Variants in NTM observed in about 807,000 individuals in gnomAD.
The protein encoded by NTM is neurotrimin.
NTM carries 13 observed loss-of-function variants against 42.1 expected under a neutral mutation model. That is an observed-to-expected ratio of 0.31 (90% CI 0.20 to 0.49). The LOEUF (loss-of-function observed/expected upper bound fraction) is 0.49. NTM is among the 20% of genes least tolerant of loss of function. The pLI is 0.99. For missense variants in NTM, 373 were observed against 452.8 expected, an observed-to-expected ratio of 0.82 and a Z score of 1.60; for synonymous variants, 187 against 179.2, an observed-to-expected ratio of 1.04 and a Z score of -0.35.
At chr11:131,753,844 T>G (rs1232127876) in intron 1 of NTM, among the ~76,000 whole-genome samples, 8 of 151,378 alleles carry the variant, frequency 5.3e-5, no homozygotes, top group Admixed American at 5.3e-4. Context: ...TATACATATG[T>G]AACTAACCTG....
At chr11:132,315,108 C>T (rs1379321272) in intron 7 of NTM, 10 of 991,568 alleles carry the variant, frequency 1.0e-5, no homozygotes, top group African/African-American at 5.2e-5. Context: ...ATGATGGCTC[C>T]TAAGCTGACT....
At chr11:131,842,647 G>A (rs1476938175) in intron 1 of NTM, among the ~76,000 whole-genome samples, 1 of 152,162 alleles carries the variant, frequency 6.6e-6, no homozygotes, top group Admixed American at 6.6e-5. Flanking sequence ...TACATTAATT[G>A]AGTATATCAA....
chr11:131,844,067 T>A (rs1271190342), intron 1 of NTM, among the ~76,000 whole-genome samples: 1 of 152,184 alleles, frequency 6.6e-6, no homozygotes, highest in Non-Finnish European at 1.5e-5. Flanking sequence ...TTTGTGGATG[T>A]GTGTGTGCGT....
rs137919729 is a variant in NTM, at chr11:131,495,905, T to TGG, written c.82+125018_82+125019dup. Among the ~76,000 whole-genome samples, 1,200 of 152,340 alleles carry TGG rather than the reference T, an allele frequency of 7.9e-3. 14 individuals are homozygous for TGG. The highest frequency in any genetic ancestry group is 0.028 in the African/African-American group (1,152 of 41,574). ...TGGATTTGCTAGCAAAAGAGACTGC[T>TGG]GGAGGGTGAAAGAGGTGTCAGTTTA... is the stretch of plus-strand genomic sequence containing the variant. On this transcript the variant is annotated intron_variant, in intron 1 of 8. Coordinates refer to ENST00000683400, the MANE Select transcript of NTM (RefSeq NM_001352005.2).
intron 1 of NTM, among the ~76,000 whole-genome samples, chr11:131,856,958 TC>T (rs2046167914): frequency 6.6e-6 from 1 of 152,244 alleles, no homozygotes; most frequent in Non-Finnish European, 1.5e-5. Flanking sequence ...CTGTACTTTT[TC>T]CTTTTTTCTC....
intron 3 of NTM, among the ~76,000 whole-genome samples, chr11:132,194,374 G>GTCTCAATAAATGCTGAAAAGGC (rs2079827840): frequency 6.6e-6 from 1 of 151,940 alleles, no homozygotes; most frequent in Non-Finnish European, 1.5e-5. Context: ...TAACATGATC[G>GTCTCAATAAATGCTGAAAAGGC]TCTCAATAAA....
chr11:131,605,037 C>T (rs1719447877), intron 1 of NTM, among the ~76,000 whole-genome samples: 1 of 151,444 alleles, frequency 6.6e-6, no homozygotes, highest in African/African-American at 2.4e-5. Flanking sequence ...ACTATTGTGT[C>T]TATTGTGGGT....
chr11:131,954,723 T>C (rs2061383084), intron 2 of NTM, among the ~76,000 whole-genome samples: 1 of 152,192 alleles, frequency 6.6e-6, no homozygotes, highest in Non-Finnish European at 1.5e-5. Context: ...CCACCTGTAA[T>C]TCCCCATCCA....
intron 4 of NTM, among the ~76,000 whole-genome samples, chr11:132,298,646 A>G (rs1391727247): frequency 2.6e-5 from 4 of 152,304 alleles, no homozygotes; most frequent in African/African-American, 9.6e-5. Context: ...ACTTTCTTAT[A>G]ATTACACTTT....
intron 4 of NTM, among the ~76,000 whole-genome samples, chr11:132,278,743 T>TTCTCTCTCTCTCTCTCTC (rs66748602): frequency 3.7e-4 from 51 of 138,074 alleles, no homozygotes; most frequent in East Asian, 3.6e-3. Flanking sequence ...TCATTTGGGC[T>TTCTCTCTCTCTCTCTCTC]TCTCTCTCTC....
intron 2 of NTM, among the ~76,000 whole-genome samples, chr11:131,965,679 C>A (rs1158980787): frequency 6.6e-6 from 1 of 152,142 alleles, no homozygotes; most frequent in Non-Finnish European, 1.5e-5. Flanking sequence ...GCTTGTGACT[C>A]TGAAGCATCT....
At chr11:132,075,739 C>T (rs1356775652) in intron 2 of NTM, among the ~76,000 whole-genome samples, 1 of 152,158 alleles carries the variant, frequency 6.6e-6, no homozygotes, top group Non-Finnish European at 1.5e-5. Context: ...GAAAGGTTTA[C>T]AAGTGCTTAG....
At chr11:131,467,972 C>T (rs1460192620) in intron 1 of NTM, among the ~76,000 whole-genome samples, 1 of 152,204 alleles carries the variant, frequency 6.6e-6, no homozygotes, top group Non-Finnish European at 1.5e-5. Flanking sequence ...GATTCTAACA[C>T]ATCGTGGGCA....
At chr11:132,329,674 G>A (rs541035412) in intron 7 of NTM, among the ~76,000 whole-genome samples, 2 of 152,344 alleles carry the variant, frequency 1.3e-5, no homozygotes, top group South Asian at 4.1e-4. Flanking sequence ...AATACAGCAT[G>A]AGCACCTACA....
intron 2 of NTM, among the ~76,000 whole-genome samples, chr11:132,088,607 T>C (rs1326152055): frequency 6.6e-6 from 1 of 152,212 alleles, no homozygotes; most frequent in Non-Finnish European, 1.5e-5. Context: ...TTCCCCAGCA[T>C]AAGGCACACA....
chr11:131,871,771 C>T (rs553742947), intron 1 of NTM, among the ~76,000 whole-genome samples: 3 of 152,194 alleles, frequency 2.0e-5, no homozygotes, highest in South Asian at 4.2e-4. Flanking sequence ...GCCCTGGGCT[C>T]CCTGGGGAAG....
At chr11:131,802,011 T>C (rs2092154289) in intron 1 of NTM, among the ~76,000 whole-genome samples, 1 of 78,708 alleles carries the variant, frequency 1.3e-5, no homozygotes, top group Non-Finnish European at 3.1e-5. Context: ...ATGCCTTGTA[T>C]AATTTTTTTA....
At chr11:131,621,154 G>A (rs1468874363) in intron 1 of NTM, among the ~76,000 whole-genome samples, 1 of 152,164 alleles carries the variant, frequency 6.6e-6, no homozygotes, top group East Asian at 1.9e-4. Flanking sequence ...ATTTATTAAT[G>A]TTCACATAAC....
intron 2 of NTM, among the ~76,000 whole-genome samples, chr11:131,958,945 T>G (rs1333358558): frequency 6.6e-6 from 1 of 152,176 alleles, no homozygotes; most frequent in Non-Finnish European, 1.5e-5. Context: ...TACCCTACTT[T>G]CAGGCAAACA....
Sources: allele counts gnomAD v4.1 joint callset (sites outside exome capture counted in the v4.1 genomes callset), GRCh38; gene constraint gnomAD v4.1.1; transcripts MANE v1.5; gene names NCBI Gene and HGNC (gene_info 2026-07-23, HGNC 2026-07-21).